Variants in RARB observed in about 807,000 individuals in gnomAD.
RARB encodes the protein HBV-activated protein.
A neutral mutation model predicts 51.9 loss-of-function variants in RARB; 17 were observed. The ratio of observed to expected loss-of-function variants is 0.33; its 90% CI spans 0.22 to 0.49. The LOEUF (loss-of-function observed/expected upper bound fraction) is 0.49, where lower values mean the gene tolerates loss of function less well. Ranked by LOEUF, RARB falls within the 20% of genes least tolerant of loss-of-function variation. The pLI, the probability that RARB is intolerant of heterozygous loss-of-function variation, is 0.99. For synonymous variants in RARB, 215 were observed against 195.4 expected, an observed-to-expected ratio of 1.10 and a Z score of -0.84; for missense variants, 369 against 550.8, an observed-to-expected ratio of 0.67 and a Z score of 3.30.
At chr3:24,917,014 CTAATT>C (rs1172498726) in intron 2 of RARB, among the ~76,000 whole-genome samples, 12 of 152,108 alleles carry the variant, frequency 7.9e-5, no homozygotes, top group Non-Finnish European at 1.3e-4. Context: ...ACAGATATAA[CTAATT>C]TATGAAGAAT....
intron 5 of RARB, among the ~76,000 whole-genome samples, chr3:25,249,847 A>AGCC (rs1702663810): frequency 1.7e-5 from 1 of 60,482 alleles, no homozygotes; most frequent in African/African-American, 1.9e-4. Flanking sequence ...CAGTGGTAGC[A>AGCC]GCAGCAGGCT....
chr3:24,999,820 T>A (rs554796411), intron 2 of RARB, among the ~76,000 whole-genome samples: 1 of 152,278 alleles, frequency 6.6e-6, no homozygotes, highest in Non-Finnish European at 1.5e-5. Context: ...GTATAAGTTT[T>A]AACTTCAGGG....
At chr3:25,292,209 T>A (rs1183264541) in intron 5 of RARB, among the ~76,000 whole-genome samples, 1 of 152,168 alleles carries the variant, frequency 6.6e-6, no homozygotes, top group African/African-American at 2.4e-5. Flanking sequence ...AGACTGTTCT[T>A]CACTGCTGGC....
At chr3:25,579,375 C>T (rs920976251) in intron 4 of RARB, among the ~76,000 whole-genome samples, 6 of 152,218 alleles carry the variant, frequency 3.9e-5, no homozygotes, top group African/African-American at 1.4e-4. Context: ...CAGTCCCCAC[C>T]TGCCTTCCCG....
intron 5 of RARB, among the ~76,000 whole-genome samples, chr3:25,255,745 C>T (rs762567008): frequency 1.3e-4 from 20 of 151,974 alleles, no homozygotes; most frequent in Non-Finnish European, 2.8e-4. Context: ...TTGCTCAAGT[C>T]CAAAGACAAC....
intron 2 of RARB, among the ~76,000 whole-genome samples, chr3:25,463,117 C>T (rs945095464): frequency 2.0e-5 from 3 of 152,176 alleles, no homozygotes; most frequent in Admixed American, 6.5e-5. Flanking sequence ...AAGTGATCCT[C>T]CCACCTTGGC....
chr3:25,508,790 C>T (rs1697739288), intron 3 of RARB, among the ~76,000 whole-genome samples: 1 of 151,942 alleles, frequency 6.6e-6, no homozygotes, highest in Admixed American at 6.6e-5. Context: ...CTGGAAACTT[C>T]CTACTTTTAT....
chr3:25,482,760 C>T (rs1835902), intron 2 of RARB, among the ~76,000 whole-genome samples: 9,783 of 151,648 alleles, frequency 0.065, 1,041 homozygotes, highest in African/African-American at 0.22. Context: ...AGGATGGTCT[C>T]GATCTCCTGA....
intron 2 of RARB, among the ~76,000 whole-genome samples, chr3:24,908,111 A>G (rs758844381): frequency 4.6e-5 from 7 of 152,162 alleles, no homozygotes; most frequent in Non-Finnish European, 7.4e-5. Flanking sequence ...CAAGCATTAT[A>G]TCTGTATAGT....
chr3:25,330,687 T>C lies in RARB; in HGVS notation c.179-130506T>C, dbSNP rs1002348675. On this transcript the variant is annotated intron_variant, in intron 5 of 11. Coordinates refer to the RARB transcript ENST00000383772. ...AATACTAACCTTAAATGTAAATGGG[T>C]TAAATGCTCCAATTAAAAGACACAG... 3.3e-4 allele frequency among the ~76,000 whole-genome samples: 50 copies of C among 152,080 alleles called. 2 individuals carry two copies. Among genetic ancestry groups the C allele is most frequent in the Non-Finnish European group, 1.5e-5 (1 of 67,974 alleles).
intron 1 of RARB, among the ~76,000 whole-genome samples, chr3:25,455,583 A>G (rs752529882): frequency 6.6e-5 from 10 of 152,142 alleles, no homozygotes; most frequent in South Asian, 2.1e-4. Flanking sequence ...TCCGAGGACA[A>G]TGCTGCAGAT....
intron 5 of RARB, among the ~76,000 whole-genome samples, chr3:25,339,605 T>A (rs1705163744): frequency 1.3e-5 from 2 of 150,996 alleles, no homozygotes; most frequent in African/African-American, 4.9e-5. Context: ...TTAATCACAC[T>A]GTTTGCCTAA....
At position 25,440,813 on chromosome 3, in the gene RARB, A is replaced by G. The variant is rs555736766; in HGVS notation, c.157+11925A>G. On this transcript the variant is annotated intron_variant, in intron 1 of 7. Transcript: ENST00000330688. ...ATTAAAAAAAAATCCAAATGCTAGCATTGTCCAGAAAAATTTAACAGATTT... is the reference window on the plus strand; with the variant it reads ...ATTAAAAAAAAATCCAAATGCTAGCGTTGTCCAGAAAAATTTAACAGATTT... Among the ~76,000 whole-genome samples the G allele has an allele frequency of 2.0e-5, 3 of 152,254 alleles. No individual in the cohort carries two copies. In the East Asian group the frequency reaches 5.8e-4, roughly 29 times the overall value.
At chr3:25,024,821 C>G (rs1347817194) in intron 2 of RARB, among the ~76,000 whole-genome samples, 2 of 151,844 alleles carry the variant, frequency 1.3e-5, no homozygotes, top group Admixed American at 1.3e-4. Context: ...GGCGTGGTGA[C>G]ACACGGCAGT....
chr3:24,834,245 A>C (rs1271154654), intron 1 of RARB, among the ~76,000 whole-genome samples: 1 of 152,214 alleles, frequency 6.6e-6, no homozygotes, highest in Non-Finnish European at 1.5e-5. Context: ...ACACAGTACT[A>C]TGTTTGATTG....
At chr3:25,222,313 C>G (rs1701965112) in intron 5 of RARB, among the ~76,000 whole-genome samples, 1 of 152,092 alleles carries the variant, frequency 6.6e-6, no homozygotes, top group South Asian at 2.1e-4. Flanking sequence ...ACCACCTGCC[C>G]CTAAACTCTT....
intron 5 of RARB, among the ~76,000 whole-genome samples, chr3:25,229,138 CA>C (rs759250606): frequency 2.6e-5 from 4 of 152,094 alleles, no homozygotes; most frequent in Admixed American, 6.6e-5. Context: ...GATTTATTGC[CA>C]GTTGTTTTTA....
intron 5 of RARB, among the ~76,000 whole-genome samples, chr3:25,236,987 G>C (rs1353656984): frequency 8.5e-6 from 1 of 118,206 alleles, no homozygotes; most frequent in Non-Finnish European, 1.8e-5. Flanking sequence ...CTAAACACAA[G>C]TTGTTGGTCT....
chr3:25,121,461 A>C (rs959390481), intron 3 of RARB, among the ~76,000 whole-genome samples: 2 of 152,196 alleles, frequency 1.3e-5, no homozygotes, highest in African/African-American at 4.8e-5. Flanking sequence ...ATGTATAAAC[A>C]ACCCAGTAAA....
Sources: gnomAD v4.1 joint callset for allele counts (sites outside exome capture counted in the v4.1 genomes callset) on GRCh38, gnomAD v4.1.1 for gene constraint, MANE v1.5 for transcripts, NCBI Gene and HGNC (gene_info 2026-07-23, HGNC 2026-07-21) for gene names.